Variants in SDK1 observed in about 807,000 individuals in gnomAD.
The protein encoded by SDK1 is sidekick cell adhesion molecule 1, also known as protein sidekick-1.
SDK1 carries 157 observed loss-of-function variants against 245.5 expected under a neutral mutation model. The observed-to-expected ratio is 0.64, with a 90% CI of 0.56 to 0.73. The LOEUF (loss-of-function observed/expected upper bound fraction) is 0.73. Ranked by LOEUF, SDK1 falls within the 30% of genes least tolerant of loss-of-function variation. The pLI, the probability that SDK1 is intolerant of heterozygous loss-of-function variation, is 0.00. For synonymous variants in SDK1, 1,647 were observed against 1,278.5 expected (o/e 1.29, Z -6.15); for missense variants, 3,583 against 3,002.3 (o/e 1.19, Z -4.52).
At chr7:3,656,911 C>T (rs1000332718) in intron 4 of SDK1, among the ~76,000 whole-genome samples, 1 of 152,040 alleles carries the variant, frequency 6.6e-6, no homozygotes, top group Non-Finnish European at 1.5e-5. Context: ...CCGCGCCCGG[C>T]TAATTTTTTG....
intron 1 of SDK1, among the ~76,000 whole-genome samples, chr7:3,599,770 TTGAG>T (rs1781196199): frequency 1.3e-5 from 2 of 152,224 alleles, no homozygotes; most frequent in African/African-American, 4.8e-5. Flanking sequence ...CTGCCTTGTG[TTGAG>T]TGTTTGCCAG....
chr7:4,240,385 G>A (rs150718602), intron 42 of SDK1, among the ~76,000 whole-genome samples: 2,287 of 152,146 alleles, frequency 0.015, 58 homozygotes, highest in African/African-American at 0.052. Flanking sequence ...GGCCTCACTC[G>A]ACACCCCTCC....
intron 1 of SDK1, among the ~76,000 whole-genome samples, chr7:3,378,604 G>A (rs1269142239): frequency 1.3e-5 from 2 of 152,026 alleles, no homozygotes; most frequent in African/African-American, 4.8e-5. Context: ...TGTCTCTTCT[G>A]TTTGTGCAGT....
rs569899224 is a variant in SDK1, at chr7:3,843,753, C to T, written c.847+22170C>T. On this transcript the variant is annotated intron_variant, in intron 5 of 44. Coordinates refer to ENST00000404826, the MANE Select transcript of SDK1 (RefSeq NM_152744.4). ...TCGGGACGCTGAGGCTTTTTGGCTG[C>T]CTGGTTCTGAGCCTCAGTTTTCCCA... 5.3e-5 allele frequency among the ~76,000 whole-genome samples: 8 copies of T among 152,242 alleles called. No individual in the cohort carries two copies. In the East Asian group the frequency reaches 1.4e-3, roughly 26 times the overall value.
At chr7:3,766,383 G>T (rs1780253501) in intron 4 of SDK1, among the ~76,000 whole-genome samples, 1 of 152,108 alleles carries the variant, frequency 6.6e-6, no homozygotes, top group African/African-American at 2.4e-5. Context: ...AAAGCAGAAT[G>T]ATAACTAAAA....
rs551832397 is a variant in SDK1, at chr7:4,143,523, G to C, written c.4229-2199G>C. On this transcript the variant is annotated intron_variant, in intron 28 of 44. Coordinates refer to ENST00000404826, the MANE Select transcript of SDK1 (RefSeq NM_152744.4). ...AGTCCAGCAAACTGAGGCTGGGAGA[G>C]GCTGCATGGCTCATCCACGGTCACA... 5.3e-5 allele frequency among the ~76,000 whole-genome samples: 8 copies of C among 152,302 alleles called. No individual in the cohort carries two copies. In the East Asian group the frequency reaches 1.4e-3, roughly 26 times the overall value.
At chr7:3,338,756 A>C (rs1220509814) in intron 1 of SDK1, among the ~76,000 whole-genome samples, 2 of 152,200 alleles carry the variant, frequency 1.3e-5, no homozygotes, top group Non-Finnish European at 2.9e-5. Flanking sequence ...TTGTGCTGGT[A>C]AAAATGTTGA....
At chr7:3,859,266 T>C (rs1368566506) in intron 5 of SDK1, among the ~76,000 whole-genome samples, 1 of 152,172 alleles carries the variant, frequency 6.6e-6, no homozygotes, top group African/African-American at 2.4e-5. Flanking sequence ...GCTGGGAGGC[T>C]GGGCTGGAGG....
At chr7:3,396,760 C>T (rs2031765513) in intron 1 of SDK1, among the ~76,000 whole-genome samples, 2 of 151,720 alleles carry the variant, frequency 1.3e-5, no homozygotes, top group South Asian at 2.1e-4. Context: ...GAATCTCTTC[C>T]AGACAGCATA....
At chr7:4,075,314 G>A (rs1194759510) in intron 20 of SDK1, among the ~76,000 whole-genome samples, 1 of 152,144 alleles carries the variant, frequency 6.6e-6, no homozygotes, top group Non-Finnish European at 1.5e-5. Flanking sequence ...ACGGCCAGGG[G>A]GAGCAGTTTA....
intron 4 of SDK1, among the ~76,000 whole-genome samples, chr7:3,694,508 C>T (rs1429603348): frequency 6.6e-6 from 1 of 152,072 alleles, no homozygotes. Flanking sequence ...TTAGAAATTA[C>T]ACCTCAGTCG....
At chr7:4,102,222 G>A (rs1484100455) in intron 22 of SDK1, among the ~76,000 whole-genome samples, 2 of 152,276 alleles carry the variant, frequency 1.3e-5, no homozygotes, top group East Asian at 1.9e-4. Flanking sequence ...GGTTTCCTGT[G>A]CCTTTACCAG....
chr7:4,225,850 G>A (rs558147786), intron 40 of SDK1, among the ~76,000 whole-genome samples: 1 of 152,204 alleles, frequency 6.6e-6, no homozygotes, highest in East Asian at 1.9e-4. Flanking sequence ...GAGGGCTGAA[G>A]ATCCTGCACT....
chr7:4,003,693 C>A (rs1172822759), intron 14 of SDK1, among the ~76,000 whole-genome samples: 2 of 152,210 alleles, frequency 1.3e-5, no homozygotes, highest in African/African-American at 2.4e-5. Context: ...CTTGCTAGAC[C>A]TTCCAGACAC....
chr7:3,527,603 G>A (rs1201601345), intron 1 of SDK1, among the ~76,000 whole-genome samples: 2 of 152,292 alleles, frequency 1.3e-5, no homozygotes, highest in African/African-American at 4.8e-5. Flanking sequence ...GTGAGTGGTA[G>A]GAGATGAGGT....
At chr7:3,624,549 T>C (rs543462054) in intron 2 of SDK1, among the ~76,000 whole-genome samples, 64 of 152,244 alleles carry the variant, frequency 4.2e-4, no homozygotes, top group Admixed American at 1.7e-3. Flanking sequence ...AAGTAACTGA[T>C]GAAGTTTTTC....
At chr7:4,259,973 A>G (rs368450533) in intron 44 of SDK1, among the ~76,000 whole-genome samples, 19 of 152,364 alleles carry the variant, frequency 1.2e-4, no homozygotes, top group African/African-American at 4.6e-4. Context: ...ATCCTCAGCC[A>G]GTTGCAGAGA....
intron 4 of SDK1, among the ~76,000 whole-genome samples, chr7:3,676,595 G>A (rs1295388457): frequency 6.6e-6 from 1 of 152,096 alleles, no homozygotes; most frequent in Non-Finnish European, 1.5e-5. Flanking sequence ...AAAGTGCTGG[G>A]ATTACAGGCG....
chr7:3,613,622 C>T (rs937354312), intron 1 of SDK1, among the ~76,000 whole-genome samples: 1 of 152,162 alleles, frequency 6.6e-6, no homozygotes, highest in African/African-American at 2.4e-5. Context: ...CCGTTTGACC[C>T]AGCAATTACA....
Sources: gnomAD v4.1 joint callset for allele counts (sites outside exome capture counted in the v4.1 genomes callset) on GRCh38, gnomAD v4.1.1 for gene constraint, MANE v1.5 for transcripts, NCBI Gene and HGNC (gene_info 2026-07-23, HGNC 2026-07-21) for gene names.